Variants in ARSG observed in about 807,000 individuals in gnomAD.
ARSG encodes arylsulfatase G.
In ARSG, 37 loss-of-function variants were observed where a neutral mutation model predicts 50.5. The ratio of observed to expected loss-of-function variants is 0.73; its 90% CI spans 0.56 to 0.96. ARSG has a LOEUF of 0.96. Ranked by LOEUF, ARSG falls within the 50% of genes least tolerant of loss-of-function variation. The pLI is 0.00. For missense variants in ARSG, 629 were observed against 675.3 expected (o/e 0.93, Z 0.76); for synonymous variants, 225 against 254.6 (o/e 0.88, Z 1.11).
At chr17:68,283,692 T>C (rs1036005180) in intron 1 of ARSG, among the ~76,000 whole-genome samples, 6 of 148,450 alleles carry the variant, frequency 4.0e-5, no homozygotes, top group East Asian at 4.1e-4. Context: ...GAAAGTATAG[T>C]CTTGAAACCC....
downstream of ARSG, chr17:68,424,503 A>G (rs1201873077): frequency 3.7e-6 from 2 of 534,540 alleles, no homozygotes; most frequent in African/African-American, 1.9e-5. Flanking sequence ...TCCATAACAA[A>G]GCCTAATGGA....
At chr17:68,387,969 C>G (rs2147055454) in intron 9 of ARSG, among the ~76,000 whole-genome samples, 1 of 152,212 alleles carries the variant, frequency 6.6e-6, no homozygotes, top group South Asian at 2.1e-4. Flanking sequence ...CGGTGTGTAC[C>G]TGGGTGATGT....
At chr17:68,446,836 T>C in the ARSG span, among the ~76,000 whole-genome samples, 1 of 152,210 alleles carries the variant, frequency 6.6e-6, no homozygotes, top group African/African-American at 2.4e-5. Flanking sequence ...TGGCACCATC[T>C]GCTCTGCGGC....
intron 2 of ARSG, among the ~76,000 whole-genome samples, chr17:68,324,379 C>G (rs1555771673): frequency 6.6e-6 from 1 of 152,150 alleles, no homozygotes; most frequent in East Asian, 1.9e-4. Context: ...CTGGCACCAC[C>G]AAGCATGACT....
intron 2 of ARSG, among the ~76,000 whole-genome samples, chr17:68,339,021 C>G (rs747012490): frequency 7.2e-5 from 11 of 152,142 alleles, no homozygotes; most frequent in Non-Finnish European, 1.6e-4. Context: ...TCCTGACAGC[C>G]AGCTTAAGGG....
chr17:68,392,353 A>G (rs114007665), intron 9 of ARSG, among the ~76,000 whole-genome samples: 1,845 of 152,328 alleles, frequency 0.012, 46 homozygotes, highest in African/African-American at 0.043. Flanking sequence ...ACCTTGCACC[A>G]TATGACTTAA....
intron 2 of ARSG, among the ~76,000 whole-genome samples, chr17:68,328,452 G>C (rs1228216211): frequency 6.6e-6 from 1 of 152,168 alleles, no homozygotes; most frequent in Non-Finnish European, 1.5e-5. Context: ...TTTGGACCCA[G>C]GCTTGTCTTT....
chr17:68,286,103 G>C (rs1282345416), intron 1 of ARSG, among the ~76,000 whole-genome samples: 2 of 152,230 alleles, frequency 1.3e-5, no homozygotes, highest in African/African-American at 4.8e-5. Flanking sequence ...ATGTGGACCG[G>C]GCTGTGGGTT....
intron 6 of ARSG, among the ~76,000 whole-genome samples, chr17:68,357,505 G>A (rs1436551301): frequency 1.3e-5 from 2 of 152,174 alleles, no homozygotes; most frequent in Non-Finnish European, 2.9e-5. Context: ...GAGAATCCAA[G>A]GTGATCCCCC....
At chr17:68,435,835 TC>T in the ARSG span, 1 of 858,590 alleles carries the variant, frequency 1.2e-6, no homozygotes, top group Non-Finnish European at 1.9e-6. Context: ...TCTTCCTCTG[TC>T]CCCCAGGCCA....
At chr17:68,391,161 T>G (rs559466890) in intron 9 of ARSG, among the ~76,000 whole-genome samples, 1 of 152,018 alleles carries the variant, frequency 6.6e-6, no homozygotes, top group Non-Finnish European at 1.5e-5. Context: ...GTAGCCTTAG[T>G]AGGGTGGATG....
chr17:68,330,576 A>G (rs913995731), intron 2 of ARSG, among the ~76,000 whole-genome samples: 3 of 152,158 alleles, frequency 2.0e-5, no homozygotes, highest in Non-Finnish European at 4.4e-5. Flanking sequence ...CTGTGACTTG[A>G]GTGACAGGGT....
chr17:68,323,469 T>C (rs1270838689), intron 2 of ARSG, among the ~76,000 whole-genome samples: 4 of 152,166 alleles, frequency 2.6e-5, no homozygotes, highest in Non-Finnish European at 5.9e-5. Context: ...AGGCTGATTT[T>C]GAACTCCTGG....
chr17:68,352,512 CTT>C (rs368506056), intron 5 of ARSG, among the ~76,000 whole-genome samples: 8 of 139,736 alleles, frequency 5.7e-5, no homozygotes, highest in Admixed American at 7.2e-5. Context: ...TTTTTTCTTT[CTT>C]TTTTTTTTTT....
At chr17:68,439,980 C>T in the ARSG span, among the ~76,000 whole-genome samples, 1 of 152,224 alleles carries the variant, frequency 6.6e-6, no homozygotes, top group Admixed American at 6.5e-5. Context: ...TATGTTAAAA[C>T]ATAAATATTC....
At chr17:68,420,991 G>A (rs890765517), downstream of ARSG, 3 of 155,106 alleles carry the variant, frequency 1.9e-5, no homozygotes, top group African/African-American at 7.3e-5. Flanking sequence ...TCTTTAATAT[G>A]CAAACAAATC....
At chr17:68,338,402 G>T (rs1377876907) in intron 2 of ARSG, among the ~76,000 whole-genome samples, 1 of 152,144 alleles carries the variant, frequency 6.6e-6, no homozygotes, top group Non-Finnish European at 1.5e-5. Context: ...TCCAAGACTG[G>T]CTGTGGAGTG....
upstream of ARSG, among the ~76,000 whole-genome samples, chr17:68,286,597 C>T (rs184564287): frequency 2.0e-5 from 3 of 152,216 alleles, no homozygotes; most frequent in African/African-American, 7.2e-5. Context: ...CTTAGCCTCC[C>T]GGGTTCAAGC....
rs753441820 is a variant in ARSG at position 68,399,708 on chromosome 17, A to G, written c.1213-1652A>G. ...TGGTAACGCCACATAAATAGTGGGA[A>G]TATAGCAGCCCACCCTCATGGAATT... On this transcript the variant is annotated intron_variant, in intron 10 of 11. Transcript: ENST00000621439. This position sits in a 1 kb window ranked among gnomAD's most constrained non-coding sequence, Gnocchi z 4.6. Among the ~76,000 whole-genome samples, 2 of 152,204 alleles carry G rather than the reference A, an allele frequency of 1.3e-5. No homozygotes were observed. Among genetic ancestry groups the G allele is most frequent in the East Asian group, 3.9e-4 (2 of 5,188 alleles).
Sources: gnomAD v4.1 joint callset for allele counts (sites outside exome capture counted in the v4.1 genomes callset) on GRCh38, gnomAD v4.1.1 for gene constraint, Gnocchi (gnomAD v3.1) non-coding constraint, MANE v1.5 for transcripts, NCBI Gene and HGNC (gene_info 2026-07-23, HGNC 2026-07-21) for gene names.